The following MLLT3 variants were observed in gnomAD, a reference collection of about 807,000 sequenced individuals.
The protein encoded by MLLT3 is protein AF-9.
In MLLT3, 4 loss-of-function variants were observed where a neutral mutation model predicts 53.2. The observed-to-expected ratio is 0.08, with a 90% CI of 0.04 to 0.17. The LOEUF is 0.17. Ranked by LOEUF, MLLT3 falls within the 10% of genes least tolerant of loss-of-function variation. MLLT3 has a pLI of 1.00. For synonymous variants in MLLT3, 283 were observed against 230.6 expected (o/e 1.23, Z -2.06); for missense variants, 569 against 684.0 (o/e 0.83, Z 1.87).
intron 2 of MLLT3, among the ~76,000 whole-genome samples, chr9:20,498,095 C>A: frequency 6.6e-6 from 1 of 151,768 alleles, no homozygotes; most frequent in East Asian, 1.9e-4. Context: ...TGGTGGCATG[C>A]ACCTGTAGTC....
Position 20,360,799 on chromosome 9 carries a change from A to C in MLLT3, c.1374T>G (p.Ala458=), listed in dbSNP as rs1821303499. 6.2e-7 allele frequency: 1 copy of C among 1,614,148 alleles called. No homozygotes were observed. The highest frequency in any genetic ancestry group is 8.5e-7 in the Non-Finnish European group (1 of 1,179,932). ...GAGGTTCGTGATGTAGGGGTGAAGA[A>C]GCAGAACTGCTTTCACTATCGCTGC... ...SDGSDSESSS[A]SSPLHHEPPP... The change falls in exon 8 of 11, where the codon GCT becomes GCG. Residue 458 remains alanine, a synonymous_variant. Transcript: ENST00000380338.
At chr9:20,418,551 C>A (rs999451022) in intron 4 of MLLT3, 1 of 152,242 alleles carries the variant, frequency 6.6e-6, no homozygotes, top group Non-Finnish European at 1.5e-5. Context: ...CACGAGCTAA[C>A]GGGCGTCTTG....
At chr9:20,496,613 G>A (rs1472439977) in intron 2 of MLLT3, among the ~76,000 whole-genome samples, 2 of 152,146 alleles carry the variant, frequency 1.3e-5, no homozygotes, top group African/African-American at 4.8e-5. Flanking sequence ...GGATGTTGTG[G>A]TTTGTGCTGT....
At chr9:20,591,773 A>G (rs1195267692) in intron 2 of MLLT3, among the ~76,000 whole-genome samples, 1 of 152,238 alleles carries the variant, frequency 6.6e-6, no homozygotes, top group Non-Finnish European at 1.5e-5. Flanking sequence ...AGTTTTTGTG[A>G]CAACCATGTG....
rs1288836843 is a variant in MLLT3 at position 20,621,071 on chromosome 9, G to A, written c.13-237C>T. 6 of 653,492 alleles carry A rather than the reference G, an allele frequency of 9.2e-6. No homozygotes were observed. Among genetic ancestry groups the A allele is most frequent in the Non-Finnish European group, 1.7e-5 (6 of 361,480 alleles). The allele number at this position is 653,492 out of a possible 1,614,324, so 40.5% of individuals were successfully genotyped here. On this transcript the variant is annotated intron_variant, in intron 1 of 10. Transcript: ENST00000380338. This position sits in a 1 kb window ranked among gnomAD's most constrained non-coding sequence, Gnocchi z 7.0. Reference sequence around the variant, plus strand: ...CCGGGCCCCGCATCTACATCGGACAGGATTGTAACGGAATGTTATCCCCAG... The same window carrying A: ...CCGGGCCCCGCATCTACATCGGACAAGATTGTAACGGAATGTTATCCCCAG...
At position 20,387,587 on chromosome 9, in the gene MLLT3, C is replaced by T. The variant is rs528613050; in HGVS notation, c.1126-21843G>A. 9.2e-5 allele frequency among the ~76,000 whole-genome samples: 14 copies of T among 152,302 alleles called. No homozygotes were observed. The South Asian group carries it at 2.7e-3, about 29-fold the overall frequency. ...TCCTGCAAAATAGCAGTGTTCTGAC[C>T]TTGTTGTCCAAGTTTCTCAGAGTTA... On this transcript the variant is annotated intron_variant, in intron 5 of 10. Transcript: ENST00000380338.
intron 2 of MLLT3, among the ~76,000 whole-genome samples, chr9:20,473,971 G>C (rs1586976755): frequency 1.3e-5 from 2 of 152,088 alleles, no homozygotes; most frequent in East Asian, 3.9e-4. Context: ...ATGCCCAATA[G>C]AAGTATCAAA....
At chr9:20,490,283 T>C (rs1421021844) in intron 2 of MLLT3, among the ~76,000 whole-genome samples, 1 of 152,252 alleles carries the variant, frequency 6.6e-6, no homozygotes, top group East Asian at 1.9e-4. Flanking sequence ...ATTATCCAGA[T>C]GGTCCTAATC....
intron 8 of MLLT3, among the ~76,000 whole-genome samples, chr9:20,358,535 G>T (rs745966321): frequency 7.2e-5 from 11 of 152,134 alleles, no homozygotes; most frequent in Non-Finnish European, 1.6e-4. Flanking sequence ...GTTTTGTTTT[G>T]CTAGACAGGT....
chr9:20,537,265 C>T (rs1169910680), intron 2 of MLLT3, among the ~76,000 whole-genome samples: 1 of 152,100 alleles, frequency 6.6e-6, no homozygotes, highest in Non-Finnish European at 1.5e-5. Context: ...ATACTACATA[C>T]AGAATAGAAT....
intron 4 of MLLT3, among the ~76,000 whole-genome samples, chr9:20,427,846 A>AT (rs1332167889): frequency 6.6e-6 from 1 of 152,062 alleles, no homozygotes; most frequent in East Asian, 1.9e-4. Context: ...CAAGACTATT[A>AT]TTTTATATAA....
chr9:20,454,584 T>C (rs1823913995), intron 3 of MLLT3, among the ~76,000 whole-genome samples: 1 of 152,208 alleles, frequency 6.6e-6, no homozygotes, highest in Non-Finnish European at 1.5e-5. Flanking sequence ...TAAGAGATCA[T>C]AATTGCCTAT....
chr9:20,399,168 T>C (rs1201598111), intron 5 of MLLT3, among the ~76,000 whole-genome samples: 1 of 152,108 alleles, frequency 6.6e-6, no homozygotes, highest in Non-Finnish European at 1.5e-5. Flanking sequence ...TACAGGGAGT[T>C]CTCTCACTCA....
intron 2 of MLLT3, among the ~76,000 whole-genome samples, chr9:20,583,286 T>C (rs761435670): frequency 3.9e-5 from 6 of 152,170 alleles, no homozygotes; most frequent in Non-Finnish European, 8.8e-5. Context: ...CCCTGTGGCT[T>C]TGCAGGGTAC....
At chr9:20,509,022 G>T (rs914397455) in intron 2 of MLLT3, among the ~76,000 whole-genome samples, 5 of 152,224 alleles carry the variant, frequency 3.3e-5, no homozygotes, top group African/African-American at 1.2e-4. Context: ...ACATCAGTGG[G>T]AATCAGAAGC....
At chr9:20,408,147 AG>A (rs984356587) in intron 5 of MLLT3, among the ~76,000 whole-genome samples, 12 of 152,270 alleles carry the variant, frequency 7.9e-5, no homozygotes, top group African/African-American at 2.9e-4. Context: ...GCAAAGATAG[AG>A]CCCCTGTGTA....
intron 2 of MLLT3, among the ~76,000 whole-genome samples, chr9:20,570,209 T>TCC (rs10635935): frequency 0.71 from 108,119 of 151,906 alleles, 38,751 homozygotes; most frequent in East Asian, 0.89. Context: ...TATTATATTG[T>TCC]AAGGGACAAA....
intron 2 of MLLT3, among the ~76,000 whole-genome samples, chr9:20,615,381 A>C (rs1016589652): frequency 6.0e-5 from 9 of 150,330 alleles, no homozygotes; most frequent in South Asian, 2.1e-4. Context: ...AAAAAAAAAA[A>C]AAAAAAAAAA....
chr9:20,462,877 A>G (rs1187821045), intron 2 of MLLT3, among the ~76,000 whole-genome samples: 3 of 152,080 alleles, frequency 2.0e-5, no homozygotes, highest in African/African-American at 4.8e-5. Flanking sequence ...AGTTGAGGAT[A>G]AAGTATACAA....
Sources: gnomAD v4.1 joint callset for allele counts (sites outside exome capture counted in the v4.1 genomes callset) on GRCh38, gnomAD v4.1.1 for gene constraint, Gnocchi (gnomAD v3.1) non-coding constraint, MANE v1.5 for transcripts, NCBI Gene and HGNC (gene_info 2026-07-23, HGNC 2026-07-21) for gene names.